Variants in ZC3H14 observed in about 807,000 individuals in gnomAD.
The protein encoded by ZC3H14 is zinc finger CCCH domain-containing protein 14.
Under a neutral mutation model 92.4 loss-of-function variants are expected in ZC3H14, and 31 were observed. That is an observed-to-expected ratio of 0.34 (90% CI 0.25 to 0.45). The LOEUF (loss-of-function observed/expected upper bound fraction) is 0.45. ZC3H14 is among the 20% of genes least tolerant of loss of function. The pLI is 1.00. For synonymous variants in ZC3H14, 321 were observed against 300.9 expected (o/e 1.07, Z -0.69); for missense variants, 781 against 897.3 (o/e 0.87, Z 1.66).
intron 10 of ZC3H14, among the ~76,000 whole-genome samples, chr14:88,597,379 T>C (rs1370763360): frequency 6.6e-6 from 1 of 152,134 alleles, no homozygotes; most frequent in East Asian, 1.9e-4. Flanking sequence ...CAGATGCATG[T>C]TCAATGTCTT....
chr14:88,602,945 G>T lies in ZC3H14; in HGVS notation c.1632G>T (p.Met544Ile). The T allele has an allele frequency of 6.2e-7, 1 of 1,614,132 alleles. No homozygotes were observed. The highest frequency in any genetic ancestry group is 8.5e-7 in the Non-Finnish European group (1 of 1,180,020). Residue 544 changes from methionine (M) to isoleucine (I), a missense_variant, in exon 12 of 17, where the codon ATG becomes ATT. By Grantham distance (10) the Met-to-Ile change is conservative. This residue lies in a region of ZC3H14 where 221 missense variants were observed against 304.7 expected (regional missense o/e 0.73). Transcript: ENST00000251038. The stretch of plus-strand genomic sequence containing the variant: ...AGGAGGACATGTGCTTTGAAGGAAT[G>T]AAACCCGTAAACCAAACTGCAGCCT... ...DQEEDMCFEGMKPVNQTAASN... is the reference protein window; with the variant it reads ...DQEEDMCFEGIKPVNQTAASN...
intron 7 of ZC3H14, among the ~76,000 whole-genome samples, chr14:88,575,177 A>G (rs1217648309): frequency 6.6e-6 from 1 of 152,088 alleles, no homozygotes; most frequent in Admixed American, 6.6e-5. Context: ...ACCTCAGGTG[A>G]TCTGCCCTCC....
At chr14:88,568,275 G>C in intron 3 of ZC3H14, 122 bp downstream of exon 3, 1 of 771,538 alleles carries the variant, frequency 1.3e-6, no homozygotes, top group Admixed American at 2.0e-5. Context: ...GTTTGTGAGT[G>C]ATGAGAGCAC....
chr14:88,586,155 G>A (rs1262955703), intron 9 of ZC3H14, among the ~76,000 whole-genome samples: 1 of 152,102 alleles, frequency 6.6e-6, no homozygotes, highest in Non-Finnish European at 1.5e-5. Context: ...GCGACAAAGC[G>A]ACACTCCTTA....
rs2089442213 is a variant in ZC3H14, at chr14:88,623,564, G to A, written c.*11813G>A. 6.6e-6 allele frequency: 1 copy of A among 151,670 alleles called. No homozygotes were observed. Among genetic ancestry groups the A allele is most frequent in the African/African-American group, 2.4e-5 (1 of 41,212 alleles). 9.4% of individuals were successfully genotyped at this position (151,670 alleles called of 1,614,324 possible). On this transcript the variant is annotated 3_prime_UTR_variant, in exon 17 of 17. Transcript: ENST00000251038. ...GCCTCCCAAGTAGCTGGGATTACAG[G>A]CACCATGCCTGGCTAATTTTTGTAT...
chr14:88,600,491 G>C (rs989728332), intron 10 of ZC3H14, among the ~76,000 whole-genome samples: 4 of 148,730 alleles, frequency 2.7e-5, no homozygotes, highest in Admixed American at 1.3e-4. Flanking sequence ...CACTCGTGCT[G>C]GAGTGCAGTG....
chr14:88,585,380 CTTTTTT>C (rs34472063), intron 9 of ZC3H14, among the ~76,000 whole-genome samples: 1 of 120,608 alleles, frequency 8.3e-6, no homozygotes, highest in African/African-American at 3.0e-5. Context: ...CCTTTCTGTT[CTTTTTT>C]TTTTTTTTTG....
intron 12 of ZC3H14, among the ~76,000 whole-genome samples, chr14:88,604,163 ATCTGGTT>A (rs2085012368): frequency 6.6e-6 from 1 of 152,096 alleles, no homozygotes; most frequent in Non-Finnish European, 1.5e-5. Context: ...GTCTATTAGG[ATCTGGTT>A]TCATTTAAAT....
At position 88,627,329 on chromosome 14, in the gene ZC3H14, A is replaced by C; in HGVS notation, c.*15578A>C. 2.2e-6 allele frequency: 1 copy of C among 465,070 alleles called. No homozygotes were observed. The highest frequency in any genetic ancestry group is 3.8e-6 in the Non-Finnish European group (1 of 264,056). The allele number at this position is 465,070 out of a possible 1,614,324, so 28.8% of individuals were successfully genotyped here. ...GATCTGCCATTATCATTAGAAATAT[A>C]CATAATTTTCATAAGAATCTCCAAA... On this transcript the variant is annotated 3_prime_UTR_variant, in exon 17 of 17. Coordinates refer to ENST00000251038, the MANE Select transcript of ZC3H14 (RefSeq NM_024824.5).
chr14:88,568,890 T>A (rs1383966097), intron 3 of ZC3H14, among the ~76,000 whole-genome samples: 2 of 152,182 alleles, frequency 1.3e-5, no homozygotes, highest in African/African-American at 2.4e-5. Flanking sequence ...AACTTCTATA[T>A]CTTTTTTTTT....
Position 88,572,239 on chromosome 14 carries a change from G to A in ZC3H14, c.431+14G>A. 6.2e-7 allele frequency: 1 copy of A among 1,613,780 alleles called. No homozygotes were observed. Among genetic ancestry groups the A allele is most frequent in the Non-Finnish European group, 8.5e-7 (1 of 1,179,754 alleles). On this transcript the variant is annotated intron_variant, in intron 5 of 16. Coordinates refer to ENST00000251038, the MANE Select transcript of ZC3H14 (RefSeq NM_024824.5). ...CACAAATGTCAGGTAAGAGTCTGGT[G>A]TAGACCTGCTGGGGGCAGATGGCTC...
chr14:88,579,932 C>T (rs2139723859), intron 9 of ZC3H14, among the ~76,000 whole-genome samples: 1 of 152,318 alleles, frequency 6.6e-6, no homozygotes, highest in Non-Finnish European at 1.5e-5. Context: ...AACTTTGAGG[C>T]TGGGTGCAGT....
Position 88,625,154 on chromosome 14 carries a change from C to G in ZC3H14, c.*13403C>G. ...TGAAAAGGAGTGGGGGAGGGGGAGA[C>G]AAACTCATCAAAAGTTCAAATAGAG... On this transcript the variant is annotated 3_prime_UTR_variant, in exon 17 of 17. Coordinates refer to ENST00000251038, the MANE Select transcript of ZC3H14 (RefSeq NM_024824.5). 6.2e-7 allele frequency: 1 copy of G among 1,610,306 alleles called. No homozygotes were observed. Among genetic ancestry groups the G allele is most frequent in the Non-Finnish European group, 8.5e-7 (1 of 1,178,372 alleles).
In ZC3H14 at chr14:88,616,970, A is replaced by C; in HGVS notation, c.*5219A>C. The C allele has an allele frequency of 4.1e-6, 5 of 1,220,548 alleles. No individual in the cohort carries two copies. The highest frequency in any genetic ancestry group is 5.8e-6 in the Non-Finnish European group (5 of 862,850). The allele number at this position is 1,220,548 out of a possible 1,614,324, so 75.6% of individuals were successfully genotyped here. ...GTTTCTTGGCAATTAATCTCTAAGT[A>C]CCCTATCATGTTACTTAAAATACAG... On this transcript the variant is annotated 3_prime_UTR_variant, in exon 17 of 17. Transcript: ENST00000251038.
chr14:88,625,149 G>C lies in ZC3H14; in HGVS notation c.*13398G>C, dbSNP rs1181396614. ...TATTCTGAAAAGGAGTGGGGGAGGG[G>C]GAGACAAACTCATCAAAAGTTCAAA... On this transcript the variant is annotated 3_prime_UTR_variant, in exon 17 of 17. Transcript: ENST00000251038. 1 of 1,611,308 alleles carries C rather than the reference G, an allele frequency of 6.2e-7. No individual in the cohort carries two copies. The highest frequency in any genetic ancestry group is 8.5e-7 in the Non-Finnish European group (1 of 1,178,866).
intron 9 of ZC3H14, among the ~76,000 whole-genome samples, chr14:88,580,551 C>CTAA (rs1371340043): frequency 6.3e-5 from 1 of 15,838 alleles, no homozygotes; most frequent in African/African-American, 8.5e-5. Flanking sequence ...TTTTAAAAGT[C>CTAA]TAAAAGGGCT....
At chr14:88,571,678 A>G (rs923362217) in intron 4 of ZC3H14, among the ~76,000 whole-genome samples, 1 of 152,168 alleles carries the variant, frequency 6.6e-6, no homozygotes, top group Non-Finnish European at 1.5e-5. Flanking sequence ...ATAAAAATAG[A>G]TGGCCGGGCA....
At chr14:88,607,781 A>C (rs141766428) in intron 13 of ZC3H14, among the ~76,000 whole-genome samples, 515 of 50,512 alleles carry the variant, frequency 0.01, 4 homozygotes, top group African/African-American at 0.033. Context: ...AAGTACCATC[A>C]CCCACTTCAC....
At chr14:88,564,180 T>C (rs2079262219) in intron 2 of ZC3H14, among the ~76,000 whole-genome samples, 1 of 152,214 alleles carries the variant, frequency 6.6e-6, no homozygotes, top group African/African-American at 2.4e-5. Context: ...GATGTGAATG[T>C]TTGATGCTTT....
Sources: allele counts gnomAD v4.1 joint callset (sites outside exome capture counted in the v4.1 genomes callset), GRCh38; gene constraint gnomAD v4.1.1; regional missense constraint gnomAD v4.1.1; transcripts MANE v1.5; gene names NCBI Gene and HGNC (gene_info 2026-07-23, HGNC 2026-07-21).